FBN1: variants seen among roughly 807,000 people sequenced by gnomAD.
FBN1 encodes fibrillin-1.
A neutral mutation model predicts 365.1 loss-of-function variants in FBN1; 29 were observed. The ratio of observed to expected loss-of-function variants is 0.08; its 90% confidence interval spans 0.06 to 0.11. The LOEUF is 0.11. Ranked by LOEUF, FBN1 falls within the 10% of genes least tolerant of loss-of-function variation. FBN1 has a pLI of 1.00. For synonymous variants in FBN1, 1,210 were observed against 1,270.5 expected (o/e 0.95, Z 1.01); for missense variants, 2,476 against 3,703.2 (o/e 0.67, Z 8.60).
At chr15:48,558,767 ACAAT>A (rs2044201589) in intron 6 of FBN1, among the ~76,000 whole-genome samples, 1 of 152,218 alleles carries the variant, frequency 6.6e-6, no homozygotes, top group African/African-American at 2.4e-5. Context: ...TGTTTTTCTG[ACAAT>A]CAATGTTTAT....
chr15:48,495,258 T>C lies in FBN1; in HGVS notation c.2542A>G (p.Thr848Ala). Residue 848 changes from threonine to alanine, a missense_variant and splice_region_variant, in exon 22 of 66, where the codon ACC becomes GCC. Around this residue, in one of 5 missense-constraint regions of FBN1, gnomAD observed 1,780 missense variants for 2,840.8 expected, o/e 0.63. Coordinates refer to ENST00000316623, the MANE Select transcript of FBN1 (RefSeq NM_000138.5). The part of the protein sequence containing the change: ...LDPTKTICIE[T>A]IKGTCWQTVI... Reference sequence around the variant, plus strand: ...GTCTGCCAGCAAGTGCCCTTGATGGTTTCTGCAGAGGAGGGAATAATATTT... The same window carrying C: ...GTCTGCCAGCAAGTGCCCTTGATGGCTTCTGCAGAGGAGGGAATAATATTT... 6.2e-7 allele frequency: 1 copy of C among 1,614,026 alleles called. No individual in the cohort carries two copies. The highest frequency in any genetic ancestry group is 1.1e-5 in the South Asian group (1 of 91,076).
chr15:48,501,019 G>A (rs976295700), intron 17 of FBN1, among the ~76,000 whole-genome samples: 5 of 152,228 alleles, frequency 3.3e-5, no homozygotes, highest in Admixed American at 3.3e-4. Context: ...GACCAAAGAG[G>A]TGGAGAAACC....
At chr15:48,594,133 G>A (rs1378473335) in intron 6 of FBN1, among the ~76,000 whole-genome samples, 1 of 152,166 alleles carries the variant, frequency 6.6e-6, no homozygotes, top group East Asian at 1.9e-4. Flanking sequence ...AGGTAAGCAG[G>A]TGACTTTCAT....
chr15:48,537,948 G>T, intron 6 of FBN1, 140 bp from the exon 7 acceptor site: 1 of 882,232 alleles, frequency 1.1e-6, no homozygotes, highest in Non-Finnish European at 1.8e-6. Flanking sequence ...CTGTCCCTGT[G>T]TAAGGCCTTG....
At chr15:48,461,699 A>T (rs2043281436) in intron 42 of FBN1, among the ~76,000 whole-genome samples, 1 of 152,216 alleles carries the variant, frequency 6.6e-6, no homozygotes, top group Admixed American at 6.5e-5. Context: ...AAACTTTTTA[A>T]TAAAGGGACA....
intron 40 of FBN1, among the ~76,000 whole-genome samples, chr15:48,465,206 G>C (rs2043310704): frequency 6.6e-6 from 1 of 152,232 alleles, no homozygotes; most frequent in South Asian, 2.1e-4. Context: ...TAAAAGAAGA[G>C]GGCCCAGAAC....
chr15:48,612,153 T>C (rs1023064149), intron 3 of FBN1, among the ~76,000 whole-genome samples: 1 of 152,228 alleles, frequency 6.6e-6, no homozygotes, highest in African/African-American at 2.4e-5. Flanking sequence ...ATAAAGGAGA[T>C]GCTTTCTGGT....
intron 2 of FBN1, among the ~76,000 whole-genome samples, chr15:48,621,717 G>C (rs534132003): frequency 6.6e-6 from 1 of 152,198 alleles, no homozygotes; most frequent in Admixed American, 6.5e-5. Context: ...GGTTGGGCAC[G>C]ATGGCTCACG....
At chr15:48,422,150 G>C in intron 60 of FBN1, 82 bp from the exon 61 acceptor site, 1 of 941,378 alleles carries the variant, frequency 1.1e-6, no homozygotes, top group Middle Eastern at 2.1e-4. Flanking sequence ...GCAGCTCCAC[G>C]TTTGATTTGG....
intron 2 of FBN1, among the ~76,000 whole-genome samples, chr15:48,636,371 C>A (rs549466607): frequency 6.6e-6 from 1 of 152,136 alleles, no homozygotes; most frequent in Admixed American, 6.6e-5. Context: ...GTCCATGTGA[C>A]CCCAGCCAGC....
At chr15:48,432,108 C>T (rs192314914) in intron 55 of FBN1, among the ~76,000 whole-genome samples, 246 of 152,166 alleles carry the variant, frequency 1.6e-3, no homozygotes, top group African/African-American at 5.8e-3. Context: ...TCAGTCTTTA[C>T]TTTCTGTCCT....
At chr15:48,532,896 A>G (rs971300891) in intron 8 of FBN1, among the ~76,000 whole-genome samples, 10 of 152,224 alleles carry the variant, frequency 6.6e-5, no homozygotes, top group Non-Finnish European at 1.3e-4. Flanking sequence ...ATAACTATGT[A>G]TAACATGTTC....
Position 48,520,837 on chromosome 15 carries a change from T to TAC in FBN1, c.989-22_989-21dup, listed in dbSNP as rs147092263. ...GAACATCTGAGGACAAAGAAACACATACACACACACACATCGCTGAGATAA... is the reference window on the plus strand; with the variant it reads ...GAACATCTGAGGACAAAGAAACACATACACACACACACACATCGCTGAGATAA... On this transcript the variant is annotated intron_variant, in intron 9 of 65. Coordinates refer to ENST00000316623, the MANE Select transcript of FBN1 (RefSeq NM_000138.5). The TAC allele has an allele frequency of 5.5e-5, 88 of 1,612,678 alleles. No individual in the cohort carries two copies. Among genetic ancestry groups the TAC allele is most frequent in the Middle Eastern group, 1.7e-4 (1 of 6,058 alleles).
chr15:48,477,714 T>C (rs978773359), intron 32 of FBN1, among the ~76,000 whole-genome samples: 3 of 152,228 alleles, frequency 2.0e-5, no homozygotes, highest in African/African-American at 7.2e-5. Context: ...AATATCTCTT[T>C]CTGTAAAAAT....
At chr15:48,555,427 T>G (rs183234135) in intron 6 of FBN1, among the ~76,000 whole-genome samples, 207 of 152,346 alleles carry the variant, frequency 1.4e-3, no homozygotes, top group African/African-American at 4.5e-3. Flanking sequence ...CCCTTGACCC[T>G]GCCTTTAAAA....
intron 19 of FBN1, among the ~76,000 whole-genome samples, chr15:48,496,723 T>C (rs1226204410): frequency 6.6e-6 from 1 of 152,332 alleles, no homozygotes; most frequent in African/African-American, 2.4e-5. Context: ...AAGTACAAAG[T>C]AATCTGTAGC....
intron 6 of FBN1, among the ~76,000 whole-genome samples, chr15:48,576,826 T>C (rs2044351835): frequency 6.6e-6 from 1 of 152,102 alleles, no homozygotes; most frequent in Non-Finnish European, 1.5e-5. Context: ...ACAGAAAATA[T>C]ACTATATGTT....
At chr15:48,435,285 T>C (rs1374763898) in intron 53 of FBN1, among the ~76,000 whole-genome samples, 3 of 151,448 alleles carry the variant, frequency 2.0e-5, no homozygotes, top group Admixed American at 1.3e-4. Flanking sequence ...TCCCACATTA[T>C]AAACTAAATC....
At chr15:48,469,080 AT>A (rs1451021623) in intron 36 of FBN1, among the ~76,000 whole-genome samples, 2,111 of 83,960 alleles carry the variant, frequency 0.025, 53 homozygotes, top group African/African-American at 0.077. Flanking sequence ...AAAAAAAAAA[AT>A]ATATATATAT....
Sources: allele counts gnomAD v4.1 joint callset (sites outside exome capture counted in the v4.1 genomes callset), GRCh38; gene constraint gnomAD v4.1.1; regional missense constraint gnomAD v4.1.1; transcripts MANE v1.5; gene names NCBI Gene and HGNC (gene_info 2026-07-23, HGNC 2026-07-21).